The following CCDC73 variants were observed in gnomAD, a reference collection of about 807,000 sequenced individuals.
CCDC73 encodes the protein coiled-coil domain containing 73.
In CCDC73, 95 loss-of-function variants were observed where a neutral mutation model predicts 116.5. That is an observed-to-expected ratio of 0.82 (90% CI 0.69 to 0.97). CCDC73 has a LOEUF of 0.97. Among genes scored for constraint, CCDC73 ranks in the 50% least tolerant of loss-of-function variants. The pLI is 0.00. For synonymous variants in CCDC73, 398 were observed against 401.3 expected, an observed-to-expected ratio of 0.99 and a Z score of 0.10; for missense variants, 1,066 against 1,206.8, an observed-to-expected ratio of 0.88 and a Z score of 1.73.
upstream of CCDC73, among the ~76,000 whole-genome samples, chr11:32,799,401 G>A (rs1054650129): frequency 3.3e-5 from 5 of 151,494 alleles, no homozygotes; most frequent in African/African-American, 7.3e-5. Context: ...CCCATTTTTT[G>A]TATTTATTTG....
rs987335779 is a variant in CCDC73 at position 32,635,950 on chromosome 11, G to A, written c.1051-120C>T. 10 of 632,364 alleles carry A rather than the reference G, an allele frequency of 1.6e-5. No homozygotes were observed. In the African/African-American group the frequency reaches 1.9e-4, roughly 12 times the overall value. 39.2% of individuals were successfully genotyped at this position (632,364 alleles called of 1,614,324 possible). The stretch of plus-strand genomic sequence containing the variant: ...GTCAAAGAATCAAAACAATCACAAA[G>A]TCATTACTAATATTAAGAGCTACCA... On this transcript the variant is annotated intron_variant, in intron 13 of 17. Coordinates refer to ENST00000335185, the MANE Select transcript of CCDC73 (RefSeq NM_001008391.4).
intron 9 of CCDC73, among the ~76,000 whole-genome samples, chr11:32,668,591 T>G (rs1051880632): frequency 6.6e-6 from 1 of 152,180 alleles, no homozygotes; most frequent in African/African-American, 2.4e-5. Context: ...AGCATACTAT[T>G]GTTAATGACA....
chr11:32,747,078 C>T (rs1396891013), intron 2 of CCDC73, among the ~76,000 whole-genome samples: 1 of 152,202 alleles, frequency 6.6e-6, no homozygotes, highest in East Asian at 1.9e-4. Context: ...TACCTTTGGT[C>T]TTTGATGTTG....
intron 2 of CCDC73, among the ~76,000 whole-genome samples, chr11:32,720,418 A>C (rs1849980637): frequency 6.6e-6 from 1 of 152,176 alleles, no homozygotes; most frequent in Admixed American, 6.5e-5. Flanking sequence ...ACTTAGCATC[A>C]TATTTAATGG....
At chr11:32,754,100 T>C (rs1396804900) in intron 2 of CCDC73, among the ~76,000 whole-genome samples, 13 of 152,208 alleles carry the variant, frequency 8.5e-5, no homozygotes. Flanking sequence ...TAGAACTTCA[T>C]TCTTCTCTTT....
At chr11:32,791,651 A>G (rs1460742128) in intron 1 of CCDC73, among the ~76,000 whole-genome samples, 4 of 152,148 alleles carry the variant, frequency 2.6e-5, no homozygotes, top group Non-Finnish European at 5.9e-5. Context: ...TAATTTCCCA[A>G]TTAAAAAAAC....
intron 1 of CCDC73, among the ~76,000 whole-genome samples, chr11:32,774,450 T>A (rs1311803375): frequency 6.6e-6 from 1 of 152,182 alleles, no homozygotes; most frequent in Non-Finnish European, 1.5e-5. Flanking sequence ...ATGGATGTGG[T>A]CAATCTATTA....
chr11:32,751,105 T>G (rs1281463426), intron 2 of CCDC73, among the ~76,000 whole-genome samples: 1 of 152,148 alleles, frequency 6.6e-6, no homozygotes, highest in Non-Finnish European at 1.5e-5. Flanking sequence ...CTAGAAATGT[T>G]GTCTGGGAGT....
At chr11:32,735,245 T>G (rs996223405) in intron 2 of CCDC73, among the ~76,000 whole-genome samples, 1 of 152,184 alleles carries the variant, frequency 6.6e-6, no homozygotes, top group African/African-American at 2.4e-5. Flanking sequence ...TGTTTGCAGA[T>G]GACATGATTG....
intron 1 of CCDC73, among the ~76,000 whole-genome samples, chr11:32,791,600 A>G (rs1850677209): frequency 6.6e-6 from 1 of 152,212 alleles, no homozygotes; most frequent in Non-Finnish European, 1.5e-5. Flanking sequence ...AAATTGTTAT[A>G]TGTTCTTCCT....
chr11:32,652,991 AAT>A, intron 12 of CCDC73, 130 bp downstream of exon 12: 1 of 543,414 alleles, frequency 1.8e-6, no homozygotes, highest in East Asian at 3.0e-5. Flanking sequence ...GAAGGAAGTC[AAT>A]ATCTTACCCC....
chr11:32,827,645 A>C, the CCDC73 span, among the ~76,000 whole-genome samples: 2 of 152,188 alleles, frequency 1.3e-5, no homozygotes, highest in African/African-American at 4.8e-5. Context: ...CTGAAGATAA[A>C]TTGCTTCCAC....
At chr11:32,649,720 A>C (rs1855809766) in intron 12 of CCDC73, among the ~76,000 whole-genome samples, 2 of 152,202 alleles carry the variant, frequency 1.3e-5, no homozygotes, top group Non-Finnish European at 2.9e-5. Flanking sequence ...AAAAAATGTC[A>C]ATATAAGGTC....
Position 32,737,231 on chromosome 11 carries a change from C to G in CCDC73, c.136-19084G>C, listed in dbSNP as rs534839738. Among the ~76,000 whole-genome samples, 374 of 137,666 alleles carry G rather than the reference C, an allele frequency of 2.7e-3. 2 individuals carry two copies. The highest frequency in any genetic ancestry group is 4.4e-3 in the Non-Finnish European group (282 of 64,598). 90.3% of individuals were successfully genotyped at this position (137,666 alleles called of 152,430 possible). A position where few individuals can be genotyped will look rare whatever the true frequency, so the allele number is the denominator to read the frequency against. Reference sequence around the variant, plus strand: ...TAATATCTGTGGGTACATAGTAGGGCTGTGTGTGTGTGTGTGTGTGTGTGT... The same window carrying G: ...TAATATCTGTGGGTACATAGTAGGGGTGTGTGTGTGTGTGTGTGTGTGTGT... On this transcript the variant is annotated intron_variant, in intron 2 of 17. Coordinates refer to ENST00000335185, the MANE Select transcript of CCDC73 (RefSeq NM_001008391.4).
At chr11:32,753,117 C>CT (rs1479416401) in intron 2 of CCDC73, among the ~76,000 whole-genome samples, 1 of 151,668 alleles carries the variant, frequency 6.6e-6, no homozygotes. Flanking sequence ...TGGCCAGTCA[C>CT]TTTTTTTTAA....
intron 17 of CCDC73, among the ~76,000 whole-genome samples, 169 bp downstream of exon 17, chr11:32,610,963 T>G (rs915410429): frequency 1.3e-5 from 2 of 152,236 alleles, no homozygotes; most frequent in Non-Finnish European, 2.9e-5. Context: ...TGTGACTTTT[T>G]CCTGCTGTTT....
At chr11:32,753,291 T>G (rs1850303473) in intron 2 of CCDC73, among the ~76,000 whole-genome samples, 1 of 125,700 alleles carries the variant, frequency 8.0e-6, no homozygotes, top group Non-Finnish European at 1.6e-5. Context: ...TTTTCTTTTC[T>G]GCTTTTTTTT....
chr11:32,720,637 A>G (rs1665681022), intron 2 of CCDC73, among the ~76,000 whole-genome samples: 2 of 152,142 alleles, frequency 1.3e-5, no homozygotes, highest in Non-Finnish European at 2.9e-5. Flanking sequence ...TACAAAAAAA[A>G]CTCCCAAAAA....
At chr11:32,647,687 C>A (rs1272758424) in intron 12 of CCDC73, among the ~76,000 whole-genome samples, 2 of 152,110 alleles carry the variant, frequency 1.3e-5, no homozygotes, top group African/African-American at 4.8e-5. Context: ...TGAAAGGAAT[C>A]TTCCATTTTT....
Sources: allele counts gnomAD v4.1 joint callset (sites outside exome capture counted in the v4.1 genomes callset), GRCh38; gene constraint gnomAD v4.1.1; transcripts MANE v1.5; gene names NCBI Gene and HGNC (gene_info 2026-07-23, HGNC 2026-07-21).